ATAD2: variants seen among roughly 807,000 people sequenced by gnomAD.
The protein encoded by ATAD2 is ATPase family AAA domain containing 2.
Under a neutral mutation model 168.9 loss-of-function variants are expected in ATAD2, and 62 were observed. The observed-to-expected ratio is 0.37, with a 90% CI of 0.30 to 0.45. ATAD2 has a LOEUF of 0.45. Among genes scored for constraint, ATAD2 ranks in the 20% least tolerant of loss-of-function variants. The pLI, the probability that ATAD2 is intolerant of heterozygous loss-of-function variation, is 1.00. For synonymous variants in ATAD2, 613 were observed against 571.6 expected (o/e 1.07, Z -1.03); for missense variants, 1,419 against 1,667.8 (o/e 0.85, Z 2.60).
intron 18 of ATAD2, among the ~76,000 whole-genome samples, chr8:123,345,845 T>A (rs1378161688): frequency 6.6e-6 from 1 of 152,228 alleles, no homozygotes; most frequent in Non-Finnish European, 1.5e-5. Context: ...TTATCTCCAT[T>A]TTCCAAAAGG....
chr8:123,357,496 C>T, intron 12 of ATAD2, 66 bp downstream of exon 12: 1 of 1,354,522 alleles, frequency 7.4e-7, no homozygotes, highest in Non-Finnish European at 9.9e-7. Context: ...TAAGATTTAT[C>T]TAATCCTCAC....
At chr8:123,337,497 C>A in intron 21 of ATAD2, 128 bp downstream of exon 21, 1 of 844,514 alleles carries the variant, frequency 1.2e-6, no homozygotes, top group Non-Finnish European at 1.7e-6. Flanking sequence ...GACACTAACC[C>A]GGTACATGTT....
At position 123,370,907 on chromosome 8, in the gene ATAD2, A is replaced by G. The variant is rs773967602; in HGVS notation, c.723T>C (p.Ser241=). 3 of 1,600,972 alleles carry G rather than the reference A, an allele frequency of 1.9e-6. No individual in the cohort carries two copies. The South Asian group carries it at 3.4e-5, about 18-fold the overall frequency. ...DEETTDNQEG[S]VESSEEGEDQ... ...AGAACAAGAGAAGAGACTAACCCAC[A>G]CTGCCTTCTTGATTATCAGTTGTTT... The change falls in exon 6 of 28, where the codon AGT becomes AGC. Residue 241 remains serine, a synonymous_variant. Coordinates refer to ENST00000287394, the MANE Select transcript of ATAD2 (RefSeq NM_014109.4).
At chr8:123,407,021 A>G (rs1813077295) in intron 1 of ATAD2, among the ~76,000 whole-genome samples, 1 of 152,152 alleles carries the variant, frequency 6.6e-6, no homozygotes, top group Non-Finnish European at 1.5e-5. Context: ...TAGTGTTCTT[A>G]TAAGGGAAAG....
In ATAD2 at chr8:123,361,616, C is replaced by T. The variant is rs751572610; in HGVS notation, c.1080G>A (p.Ser360=). Residue 360 remains serine (S), a synonymous_variant, in exon 9 of 28, where the codon TCG becomes TCA. Transcript: ENST00000287394. ...CATCTTCAGAGGAGGAAGATGAAGT[C>T]GAGTCACTACTGTGGATTGCATGCC... ...RRRHAIHSSD[S]TSSSSSEDEQ... is the part of the protein sequence containing the mutation. The T allele has an allele frequency of 1.6e-5, 26 of 1,611,666 alleles. No individual in the cohort carries two copies. Among genetic ancestry groups the T allele is most frequent in the African/African-American group, 2.7e-5 (2 of 74,846 alleles).
intron 20 of ATAD2, 148 bp from the exon 21 acceptor site, chr8:123,337,969 T>A (rs1827963490): frequency 9.0e-6 from 7 of 774,794 alleles, no homozygotes. Flanking sequence ...AGTATTACCA[T>A]AATCTCTAAC....
In ATAD2 at chr8:123,402,204, C is replaced by T; in HGVS notation, c.-2281-1029G>A. The T allele has an allele frequency of 1.6e-6, 1 of 627,668 alleles. No homozygotes were observed. Among genetic ancestry groups the T allele is most frequent in the Admixed American group, 2.4e-5 (1 of 42,472 alleles). 38.9% of individuals were successfully genotyped at this position (627,668 alleles called of 1,614,324 possible). A position where few individuals can be genotyped will look rare whatever the true frequency, so the allele number is the denominator to read the frequency against. The stretch of plus-strand genomic sequence containing the variant: ...TCACTGAGTGGTCCACAGATTTGCA[C>T]TACGGGTTCCCCAGCTCCTTTCCAG... On this transcript the variant is annotated intron_variant, in intron 1 of 28. Transcript: ENST00000521903. This position sits in a 1 kb window ranked among gnomAD's most constrained non-coding sequence, Gnocchi z 4.8.
At chr8:123,339,962 A>G (rs1285066964) in intron 19 of ATAD2, among the ~76,000 whole-genome samples, 2 of 151,916 alleles carry the variant, frequency 1.3e-5, no homozygotes, top group Admixed American at 6.6e-5. Flanking sequence ...GCACAATCAT[A>G]GCTCACTGCA....
At chr8:123,390,265 G>A (rs1455043817) in intron 1 of ATAD2, among the ~76,000 whole-genome samples, 1 of 152,008 alleles carries the variant, frequency 6.6e-6, no homozygotes, top group African/African-American at 2.4e-5. Context: ...TTACAGGCAT[G>A]AGCCACTGCA....
At chr8:123,372,824 C>T (rs1426432946) in intron 2 of ATAD2, 138 bp from the exon 3 acceptor site, 1 of 594,894 alleles carries the variant, frequency 1.7e-6, no homozygotes, top group Non-Finnish European at 2.7e-6. Context: ...AACTGCTGGG[C>T]TCAAGCAATA....
In ATAD2 at chr8:123,346,733, G is replaced by T. The variant is rs768301616; in HGVS notation, c.2230C>A (p.Leu744Ile). 1 of 1,588,762 alleles carries T rather than the reference G, an allele frequency of 6.3e-7. No homozygotes were observed. Among genetic ancestry groups the T allele is most frequent in the South Asian group, 1.2e-5 (1 of 83,778 alleles). The change falls in exon 17 of 28, where the codon CTA becomes ATA. Residue 744 changes from leucine to isoleucine, a missense_variant. Leu to Ile is a conservative substitution (Grantham distance 5). Around this residue, in one of 5 missense-constraint regions of ATAD2, gnomAD observed 545 missense variants for 724.9 expected, o/e 0.75. Transcript: ENST00000287394. ...TCACTGTAAGCCAAGTCACTTTCTA[G>T]CAGAGGACAAGAAATATCTATAAAA... The part of the protein sequence containing the change: ...TLDSDISCPL[L>I]ESDLAYSDDD...
In ATAD2 at chr8:123,415,738, G is replaced by A. The variant is rs148709929; in HGVS notation, c.-2282+510C>T. On this transcript the variant is annotated intron_variant, in intron 1 of 28. Coordinates refer to the ATAD2 transcript ENST00000521903. ...GCCTCCCGAGTATCTGGGATTACAGGCGCGCGCCTCCACGCCCAACTAATT... is the reference window on the plus strand; with the variant it reads ...GCCTCCCGAGTATCTGGGATTACAGACGCGCGCCTCCACGCCCAACTAATT... Among the ~76,000 whole-genome samples the A allele has an allele frequency of 2.0e-5, 3 of 152,252 alleles. No individual in the cohort carries two copies. In the East Asian group the frequency reaches 5.8e-4, roughly 30 times the overall value.
chr8:123,326,101 C>A, intron 25 of ATAD2, 75 bp from the exon 26 acceptor site: 1 of 1,456,332 alleles, frequency 6.9e-7, no homozygotes, highest in Non-Finnish European at 9.4e-7. Flanking sequence ...TAATATTAGG[C>A]AGATTAAACA....
chr8:123,396,090 T>C, intron 1 of ATAD2, 97 bp downstream of exon 1: 7 of 1,341,198 alleles, frequency 5.2e-6, no homozygotes, highest in Non-Finnish European at 6.9e-6. Context: ...ACTGTCACCC[T>C]GACCGGCGCC....
chr8:123,333,231 CAAAAAA>C (rs71310667), intron 24 of ATAD2, among the ~76,000 whole-genome samples: 55 of 43,988 alleles, frequency 1.3e-3, no homozygotes, highest in Non-Finnish European at 1.6e-3. Context: ...TCTAAAAATA[CAAAAAA>C]AAAAAAAAAA....
intron 13 of ATAD2, among the ~76,000 whole-genome samples, chr8:123,350,645 C>A (rs188138109): frequency 1.3e-5 from 2 of 152,266 alleles, no homozygotes; most frequent in African/African-American, 4.8e-5. Context: ...ACTGGGCTGA[C>A]TGCTTCCTGA....
At chr8:123,401,156 T>A, upstream of ATAD2, 1 of 1,067,492 alleles carries the variant, frequency 9.4e-7, no homozygotes, top group Non-Finnish European at 1.5e-6. Flanking sequence ...GGAGTGATGT[T>A]GAAAGAGGCA....
chr8:123,408,579 C>T (rs563788317), intron 1 of ATAD2, among the ~76,000 whole-genome samples: 32 of 152,280 alleles, frequency 2.1e-4, no homozygotes, highest in Non-Finnish European at 3.4e-4. Flanking sequence ...TGCAATGGCA[C>T]GTTCTCGGCT....
intron 4 of ATAD2, 110 bp downstream of exon 4, chr8:123,371,559 CT>C: frequency 1.0e-6 from 1 of 983,586 alleles, no homozygotes; most frequent in South Asian, 1.8e-5. Flanking sequence ...CTCCTGTACG[CT>C]TTACGTAGTA....
Sources: gnomAD v4.1 joint callset for allele counts (sites outside exome capture counted in the v4.1 genomes callset) on GRCh38, gnomAD v4.1.1 for gene constraint, gnomAD v4.1.1 regional missense constraint, Gnocchi (gnomAD v3.1) non-coding constraint, MANE v1.5 for transcripts, NCBI Gene and HGNC (gene_info 2026-07-23, HGNC 2026-07-21) for gene names.